The following LEKR1 variants were observed in gnomAD, a reference collection of about 807,000 sequenced individuals.
LEKR1 encodes protein LEKR1.
Under a neutral mutation model 72.4 loss-of-function variants are expected in LEKR1, and 59 were observed. The ratio of observed to expected loss-of-function variants is 0.82; its 90% CI spans 0.66 to 1.01. The LOEUF (loss-of-function observed/expected upper bound fraction) is 1.01. LEKR1 is among the 50% of genes least tolerant of loss of function. The probability of loss-of-function intolerance (pLI) is 0.00; values close to 1 mark genes in which losing one functional copy is unlikely to be tolerated. For missense variants in LEKR1, 728 were observed against 759.2 expected (o/e 0.96, Z 0.48); for synonymous variants, 257 against 263.2 (o/e 0.98, Z 0.23).
At position 156,828,758 on chromosome 3, in the gene LEKR1, GCTT is replaced by G. The variant is rs570999249; in HGVS notation, c.-44-524_-44-522del. Among the ~76,000 whole-genome samples the G allele has an allele frequency of 1.9e-3, 292 of 152,154 alleles. 2 individuals carry two copies. The highest frequency in any genetic ancestry group is 6.9e-3 in the African/African-American group (286 of 41,506). On this transcript the variant is annotated intron_variant, in intron 1 of 12. Coordinates refer to ENST00000356539, the MANE Select transcript of LEKR1 (RefSeq NM_001004316.3). ...CCATCTTAGATAAAATTGGCACTTG[GCTT>G]CTTATTTTTTGATCACTCTTCTGTT...
chr3:156,863,217 T>C (rs1716960162), intron 3 of LEKR1, among the ~76,000 whole-genome samples: 1 of 151,996 alleles, frequency 6.6e-6, no homozygotes, highest in Non-Finnish European at 1.5e-5. Flanking sequence ...GTAGAGTAAT[T>C]AGGCTCTGGT....
rs9840921 is a variant in LEKR1 at position 156,942,773 on chromosome 3, T to C, written c.745+59T>C. 9.1e-3 allele frequency: 6,426 copies of C among 707,296 alleles called. 389 individuals are homozygous for C. In the African/African-American group the frequency reaches 0.12, roughly 13 times the overall value. The allele number at this position is 707,296 out of a possible 1,614,324, so 43.8% of individuals were successfully genotyped here. On this transcript the variant is annotated intron_variant, in intron 6 of 12. Coordinates refer to ENST00000356539, the MANE Select transcript of LEKR1 (RefSeq NM_001004316.3). ...AGTTATATAAGTACATGAATAAATG[T>C]TTACATTTTTACTTATAATTACAAC... is the stretch of plus-strand genomic sequence containing the variant.
At chr3:156,890,779 A>G (rs1342574555) in intron 3 of LEKR1, among the ~76,000 whole-genome samples, 2 of 152,020 alleles carry the variant, frequency 1.3e-5, no homozygotes, top group African/African-American at 2.4e-5. Context: ...ATGCTTAAGC[A>G]GCATTATTTT....
At chr3:156,891,757 C>T (rs1720690048) in intron 3 of LEKR1, among the ~76,000 whole-genome samples, 1 of 152,036 alleles carries the variant, frequency 6.6e-6, no homozygotes, top group African/African-American at 2.4e-5. Flanking sequence ...CACCATTCCC[C>T]CCACAACATA....
chr3:156,891,937 G>C (rs1053042004), intron 3 of LEKR1, among the ~76,000 whole-genome samples: 1 of 152,146 alleles, frequency 6.6e-6, no homozygotes, highest in Non-Finnish European at 1.5e-5. Context: ...GACTGTACTC[G>C]TGGCATGAAA....
At position 156,933,144 on chromosome 3, in the gene LEKR1, C is replaced by T. The variant is rs373051058; in HGVS notation, c.559+5540C>T. On this transcript the variant is annotated intron_variant, in intron 5 of 12. Transcript: ENST00000356539. The stretch of plus-strand genomic sequence containing the variant: ...TCTACTGACTTTTAACTGCCAGTAT[C>T]TGCATATCTGTGCCAGAGGAATCTT... Among the ~76,000 whole-genome samples, 64 of 152,336 alleles carry T rather than the reference C, an allele frequency of 4.2e-4. 1 individual carries two copies. The South Asian group carries it at 0.01, about 24-fold the overall frequency.
intron 6 of LEKR1, among the ~76,000 whole-genome samples, chr3:156,973,341 C>T (rs1179802750): frequency 2.0e-5 from 3 of 151,968 alleles, no homozygotes; most frequent in African/African-American, 4.8e-5. Flanking sequence ...AAGTATTCCA[C>T]ATTTATTAGC....
intron 3 of LEKR1, among the ~76,000 whole-genome samples, chr3:156,911,853 T>C (rs1433892821): frequency 6.6e-6 from 1 of 152,114 alleles, no homozygotes; most frequent in Admixed American, 6.5e-5. Flanking sequence ...TTCTGTTCCA[T>C]TGGTCTATGT....
chr3:157,044,786 C>T (rs932755689), intron 12 of LEKR1, among the ~76,000 whole-genome samples: 3 of 152,132 alleles, frequency 2.0e-5, no homozygotes, highest in Non-Finnish European at 2.9e-5. Context: ...ATTTAAGTTC[C>T]ACTGAGAAAG....
intron 6 of LEKR1, among the ~76,000 whole-genome samples, chr3:156,957,638 G>C (rs182289855): frequency 1.3e-5 from 2 of 151,902 alleles, no homozygotes; most frequent in East Asian, 3.9e-4. Context: ...CAAAGCAAAC[G>C]TACAGTGTAG....
chr3:156,879,725 T>C (rs1040880232), intron 3 of LEKR1, among the ~76,000 whole-genome samples: 1 of 152,164 alleles, frequency 6.6e-6, no homozygotes, highest in African/African-American at 2.4e-5. Context: ...AGGGATTCTG[T>C]GCTGTGTGCA....
intron 3 of LEKR1, among the ~76,000 whole-genome samples, chr3:156,919,248 T>C (rs1576822532): frequency 6.6e-6 from 1 of 152,220 alleles, no homozygotes; most frequent in African/African-American, 2.4e-5. Flanking sequence ...CCAGCAATTA[T>C]GAAGTGTTTA....
At chr3:156,864,155 G>A (rs896935463) in intron 3 of LEKR1, among the ~76,000 whole-genome samples, 16 of 152,026 alleles carry the variant, frequency 1.1e-4, no homozygotes, top group East Asian at 3.9e-4. Context: ...GTTTCATTGC[G>A]TCCTGAAGTC....
At chr3:156,827,711 C>G (rs1379700425) in intron 1 of LEKR1, among the ~76,000 whole-genome samples, 1 of 152,126 alleles carries the variant, frequency 6.6e-6, no homozygotes, top group Non-Finnish European at 1.5e-5. Flanking sequence ...TTAGTTTCCC[C>G]CCGATAATCA....
intron 7 of LEKR1, among the ~76,000 whole-genome samples, chr3:156,989,702 A>T (rs1015592290): frequency 2.6e-5 from 4 of 152,168 alleles, no homozygotes; most frequent in Non-Finnish European, 4.4e-5. Flanking sequence ...ATAATAGTTC[A>T]AAGAGCACCC....
At chr3:156,993,046 G>C (rs1731262215) in intron 8 of LEKR1, 28 bp from the exon 9 acceptor site, 2 of 1,221,378 alleles carry the variant, frequency 1.6e-6, no homozygotes, top group East Asian at 2.3e-5. Context: ...AATGTATGTT[G>C]GTGGGTGTTT....
At chr3:157,026,066 AT>A (rs57665353) in intron 11 of LEKR1, among the ~76,000 whole-genome samples, 5,367 of 151,928 alleles carry the variant, frequency 0.035, 332 homozygotes, top group African/African-American at 0.12. Context: ...AAAAAAAAAA[AT>A]CTTAGTGATT....
At chr3:156,875,168 T>C (rs1458917119) in intron 3 of LEKR1, among the ~76,000 whole-genome samples, 1 of 152,226 alleles carries the variant, frequency 6.6e-6, no homozygotes, top group Non-Finnish European at 1.5e-5. Context: ...AAGTGATCCT[T>C]TTCACTACAT....
chr3:156,826,432 C>T (rs1191197614), intron 1 of LEKR1, 56 bp downstream of exon 1: 1 of 153,534 alleles, frequency 6.5e-6, no homozygotes, highest in Non-Finnish European at 1.5e-5. Context: ...AAATGCAGTT[C>T]CGGAGTGGAG....
Sources: allele counts gnomAD v4.1 joint callset (sites outside exome capture counted in the v4.1 genomes callset), GRCh38; gene constraint gnomAD v4.1.1; transcripts MANE v1.5; gene names NCBI Gene and HGNC (gene_info 2026-07-23, HGNC 2026-07-21).